Variants in KLC1 observed in about 807,000 individuals in gnomAD.
The protein encoded by KLC1 is kinesin 2 60/70kDa.
A neutral mutation model predicts 84.2 loss-of-function variants in KLC1; 30 were observed. The observed-to-expected ratio is 0.36, with a 90% CI of 0.27 to 0.48. The LOEUF (loss-of-function observed/expected upper bound fraction) is 0.48. Among genes scored for constraint, KLC1 ranks in the 20% least tolerant of loss-of-function variants. The probability of loss-of-function intolerance (pLI) is 0.99; values close to 1 mark genes in which losing one functional copy is unlikely to be tolerated. For synonymous variants in KLC1, 289 were observed against 293.3 expected (o/e 0.99, Z 0.15); for missense variants, 499 against 805.4 (o/e 0.62, Z 4.60).
chr14:103,630,028 G>C (rs1469339449), intron 1 of KLC1, among the ~76,000 whole-genome samples: 1 of 152,224 alleles, frequency 6.6e-6, no homozygotes, highest in Non-Finnish European at 1.5e-5. Flanking sequence ...GGACGCGCCT[G>C]TCATTCTCGC....
Position 103,693,521 on chromosome 14 carries a change from A to C in KLC1, c.1848+1096A>C. The C allele has an allele frequency of 6.5e-7, 1 of 1,535,818 alleles. No homozygotes were observed. Among genetic ancestry groups the C allele is most frequent in the Non-Finnish European group, 8.7e-7 (1 of 1,146,742 alleles). ...CTGGCATCATTTGAAGTCCTGGTTA[A>C]GTGTAATTTTTCTATTTGTTTTTTC... On this transcript the variant is annotated intron_variant, in intron 15 of 16. Transcript: ENST00000334553. This position sits in a 1 kb window ranked among gnomAD's most constrained non-coding sequence, Gnocchi z 5.1.
chr14:103,663,327 G>T (rs1433994931), intron 5 of KLC1, among the ~76,000 whole-genome samples: 1 of 152,048 alleles, frequency 6.6e-6, no homozygotes, highest in Non-Finnish European at 1.5e-5. Context: ...TGATCCGCCC[G>T]CCTCAGCCTC....
At chr14:103,685,815 C>G in intron 13 of KLC1, 1 of 1,202,806 alleles carries the variant, frequency 8.3e-7, no homozygotes, top group South Asian at 1.5e-5. Context: ...TGGGGGGGTT[C>G]CTGATTTCTG....
At chr14:103,700,436 GGGGA>G in intron 15 of KLC1, 1 of 477,286 alleles carries the variant, frequency 2.1e-6, no homozygotes. Context: ...CATGGTGATG[GGGGA>G]GGGTGACACA....
intron 1 of KLC1, among the ~76,000 whole-genome samples, chr14:103,641,860 T>C (rs1386032981): frequency 6.6e-6 from 1 of 152,188 alleles, no homozygotes; most frequent in African/African-American, 2.4e-5. Context: ...GAGCTCAAGC[T>C]ATCTGCCTGC....
At chr14:103,652,890 C>G (rs2078568427) in intron 1 of KLC1, among the ~76,000 whole-genome samples, 1 of 152,158 alleles carries the variant, frequency 6.6e-6, no homozygotes, top group South Asian at 2.1e-4. Context: ...AAAAGGAATT[C>G]AGTCTTCATA....
At position 103,693,459 on chromosome 14, in the gene KLC1, G is replaced by A; in HGVS notation, c.1848+1034G>A. 6.6e-7 allele frequency: 1 copy of A among 1,520,566 alleles called. No homozygotes were observed. Among genetic ancestry groups the A allele is most frequent in the Non-Finnish European group, 8.8e-7 (1 of 1,138,194 alleles). The allele number at this position is 1,520,566 out of a possible 1,614,324, so 94.2% of individuals were successfully genotyped here. On this transcript the variant is annotated intron_variant, in intron 15 of 16. Transcript: ENST00000334553. This position sits in a 1 kb window ranked among gnomAD's most constrained non-coding sequence, Gnocchi z 5.1. ...CTCGAGTGCCAACCTAGATTTAGCTGTGCAGCTGGTACTGTTAGGCCTGAG... is the reference window on the plus strand; with the variant it reads ...CTCGAGTGCCAACCTAGATTTAGCTATGCAGCTGGTACTGTTAGGCCTGAG...
intron 15 of KLC1, chr14:103,695,109 T>C (rs2082346374): frequency 1.0e-6 from 1 of 984,716 alleles, no homozygotes; most frequent in African/African-American, 1.8e-5. Flanking sequence ...TTGAAGAAAA[T>C]TTCATAGGTT....
rs2082240145 is a variant in KLC1, at chr14:103,693,509, A to AAGTCCT, written c.1848+1085_1848+1090dup. 1 of 1,535,380 alleles carries AAGTCCT rather than the reference A, an allele frequency of 6.5e-7. No individual in the cohort carries two copies. Among genetic ancestry groups the AAGTCCT allele is most frequent in the African/African-American group, 1.4e-5 (1 of 72,998 alleles). On this transcript the variant is annotated intron_variant, in intron 15 of 16. Transcript: ENST00000334553. This position sits in a 1 kb window ranked among gnomAD's most constrained non-coding sequence, Gnocchi z 5.1. ...GGCCATTTGAAGCTGGCATCATTTGAAGTCCTGGTTAAGTGTAATTTTTCT... is the reference window on the plus strand; with the variant it reads ...GGCCATTTGAAGCTGGCATCATTTGAAGTCCTAGTCCTGGTTAAGTGTAATTTTTCT...
chr14:103,676,455 A>G (rs10131067), intron 11 of KLC1, among the ~76,000 whole-genome samples: 91,986 of 151,924 alleles, frequency 0.61, 28,938 homozygotes, highest in Non-Finnish European at 0.71. Flanking sequence ...TAGTAGAGAC[A>G]GAGTTTCACC....
At chr14:103,696,673 G>A (rs2082550813) in intron 15 of KLC1, 1 of 985,416 alleles carries the variant, frequency 1.0e-6, no homozygotes, top group African/African-American at 1.7e-5. Context: ...AGCTGTCTCA[G>A]GGCTGATATG....
chr14:103,642,433 C>T (rs967740231), intron 1 of KLC1, among the ~76,000 whole-genome samples: 9 of 152,100 alleles, frequency 5.9e-5, no homozygotes, highest in African/African-American at 2.2e-4. Context: ...TGTACAATGT[C>T]CTTAAATTTG....
In KLC1 at chr14:103,694,352, C is replaced by T. The variant is rs147862900; in HGVS notation, c.1848+1927C>T. On this transcript the variant is annotated intron_variant, in intron 15 of 16. Transcript: ENST00000334553. This position sits in a 1 kb window ranked among gnomAD's most constrained non-coding sequence, Gnocchi z 4.5. Reference sequence around the variant, plus strand: ...CTGCAAGCTCCACCTCCTGGGTTCACGCCATTCTCCTGCCTCAGCCTCCCG... The same window carrying T: ...CTGCAAGCTCCACCTCCTGGGTTCATGCCATTCTCCTGCCTCAGCCTCCCG... 1.2e-3 allele frequency: 1,132 copies of T among 928,458 alleles called. 7 individuals are homozygous for T. The African/African-American group carries it at 0.019, about 16-fold the overall frequency. 57.5% of individuals were successfully genotyped at this position (928,458 alleles called of 1,614,324 possible). A position where few individuals can be genotyped will look rare whatever the true frequency, so the allele number is the denominator to read the frequency against.
intron 15 of KLC1, chr14:103,698,967 TG>T: frequency 6.2e-7 from 1 of 1,600,732 alleles, no homozygotes; most frequent in Non-Finnish European, 8.5e-7. Context: ...CACCAGGAGC[TG>T]GTTAGCCCAG....
At chr14:103,666,631 C>T (rs1417192802) in intron 5 of KLC1, among the ~76,000 whole-genome samples, 3 of 147,752 alleles carry the variant, frequency 2.0e-5, no homozygotes, top group East Asian at 4.0e-4. Flanking sequence ...AAGTCTTGCT[C>T]TTGTACCCCT....
chr14:103,685,724 T>C, intron 13 of KLC1: 1 of 1,289,402 alleles, frequency 7.8e-7, no homozygotes, highest in Non-Finnish European at 1.0e-6. Flanking sequence ...TGCTGCCCGC[T>C]GTGTCTAGCA....
intron 7 of KLC1, 99 bp from the exon 8 acceptor site, chr14:103,672,915 G>T (rs924379575): frequency 3.8e-6 from 4 of 1,045,912 alleles, no homozygotes; most frequent in Non-Finnish European, 5.8e-6. Context: ...TAGCACAGTC[G>T]TGCTTATGTT....
chr14:103,646,670 C>A (rs367609077), intron 1 of KLC1, among the ~76,000 whole-genome samples: 1 of 151,856 alleles, frequency 6.6e-6, no homozygotes, highest in Non-Finnish European at 1.5e-5. Context: ...AGATGGGACC[C>A]CTCTATGTTG....
intron 5 of KLC1, among the ~76,000 whole-genome samples, chr14:103,664,409 C>T (rs2079570053): frequency 6.6e-6 from 1 of 152,112 alleles, no homozygotes; most frequent in South Asian, 2.1e-4. Flanking sequence ...GTCTCGGCCT[C>T]CCAAAGTGCT....
Sources: allele counts gnomAD v4.1 joint callset (sites outside exome capture counted in the v4.1 genomes callset), GRCh38; gene constraint gnomAD v4.1.1; non-coding constraint Gnocchi (gnomAD v3.1); transcripts MANE v1.5; gene names NCBI Gene and HGNC (gene_info 2026-07-23, HGNC 2026-07-21).